The following PSME4 variants were observed in gnomAD, a reference collection of about 807,000 sequenced individuals.
PSME4 encodes proteasome activator complex subunit 4.
PSME4 carries 89 observed loss-of-function variants against 253.9 expected under a neutral mutation model. The observed-to-expected ratio is 0.35, with a 90% CI of 0.30 to 0.42. The LOEUF (loss-of-function observed/expected upper bound fraction) is 0.42, where lower values mean the gene tolerates loss of function less well. Ranked by LOEUF, PSME4 falls within the 10% of genes least tolerant of loss-of-function variation. The probability of loss-of-function intolerance (pLI) is 1.00; values close to 1 mark genes in which losing one functional copy is unlikely to be tolerated. For missense variants in PSME4, 2,014 were observed against 2,195.2 expected (o/e 0.92, Z 1.65); for synonymous variants, 851 against 759.2 (o/e 1.12, Z -1.99).
In PSME4 at chr2:53,931,858, C is replaced by G; in HGVS notation, c.1293G>C (p.Leu431Phe). 8 of 1,614,158 alleles carry G rather than the reference C, an allele frequency of 5.0e-6. No individual in the cohort carries two copies. Among genetic ancestry groups the G allele is most frequent in the Non-Finnish European group, 6.8e-6 (8 of 1,180,012 alleles). Reference sequence around the variant, plus strand: ...ACCTTTCAAGTACAGGGGGTATTACCAATTCAGGTCTCATGAGTGCAAGAT... The same window carrying G: ...ACCTTTCAAGTACAGGGGGTATTACGAATTCAGGTCTCATGAGTGCAAGAT... ...LQNLALMRPE[L>F]VIPPVLERTY... Residue 431 changes from leucine to phenylalanine, a missense_variant, in exon 10 of 47, where the codon TTG (leucine) becomes TTC (phenylalanine). This residue lies in a region of PSME4 where 615 missense variants were observed against 594.4 expected (regional missense o/e 1.03). Transcript: ENST00000404125.
At chr2:53,923,262 C>T (rs1346884016) in intron 15 of PSME4, 59 bp downstream of exon 15, 1 of 1,521,528 alleles carries the variant, frequency 6.6e-7, no homozygotes, top group African/African-American at 1.4e-5. Flanking sequence ...TAATAATTAA[C>T]CATATAAACT....
intron 4 of PSME4, among the ~76,000 whole-genome samples, chr2:53,938,643 A>C (rs1669237790): frequency 6.6e-6 from 1 of 152,084 alleles, no homozygotes; most frequent in African/African-American, 2.4e-5. Context: ...GCATATGAAA[A>C]ATTCTGATTC....
chr2:53,877,758 G>C (rs1679203264), intron 41 of PSME4, among the ~76,000 whole-genome samples: 1 of 152,178 alleles, frequency 6.6e-6, no homozygotes. Flanking sequence ...ATGGCTCAGA[G>C]GAGCTGACTT....
chr2:53,962,576 C>A (rs1450551942), intron 1 of PSME4, among the ~76,000 whole-genome samples: 1 of 152,110 alleles, frequency 6.6e-6, no homozygotes, highest in African/African-American at 2.4e-5. Flanking sequence ...TTTCTTAGTG[C>A]CTCAAAGTAA....
At chr2:53,934,781 T>C (rs1160935289) in intron 7 of PSME4, 54 bp from the exon 8 acceptor site, 9 of 1,405,504 alleles carry the variant, frequency 6.4e-6, no homozygotes, top group Non-Finnish European at 5.9e-6. Flanking sequence ...AATAATTCTT[T>C]AGCTTAGTAA....
At position 53,891,008 on chromosome 2, in the gene PSME4, C is replaced by T. The variant is rs1369229719; in HGVS notation, c.4192-800G>A. ...TCCCACTGCATTCCAGCCTAAGCAA[C>T]GGAGCAAGACTCCGTCTAAAAAAAC... On this transcript the variant is annotated intron_variant, in intron 36 of 46. Coordinates refer to ENST00000404125, the MANE Select transcript of PSME4 (RefSeq NM_014614.3). Among the ~76,000 whole-genome samples, 10 of 151,894 alleles carry T rather than the reference C, an allele frequency of 6.6e-5. No homozygotes were observed. The South Asian group carries it at 1.7e-3, about 25-fold the overall frequency.
chr2:53,966,950 G>A lies in PSME4; in HGVS notation c.242+3593C>T, dbSNP rs148412455. On this transcript the variant is annotated intron_variant, in intron 1 of 46. Transcript: ENST00000404125. ...CCTGACCTCGTGATCCGTCTGCCTCGGCCTCCCAAAGTGCTGGGATTACAG... is the reference window on the plus strand; with the variant it reads ...CCTGACCTCGTGATCCGTCTGCCTCAGCCTCCCAAAGTGCTGGGATTACAG... Among the ~76,000 whole-genome samples, 1,357 of 152,052 alleles carry A rather than the reference G, an allele frequency of 8.9e-3. 14 individuals are homozygous for A. Among genetic ancestry groups the A allele is most frequent in the African/African-American group, 0.031 (1,282 of 41,468 alleles).
chr2:53,883,579 G>T (rs1679496385), intron 41 of PSME4, among the ~76,000 whole-genome samples: 1 of 152,204 alleles, frequency 6.6e-6, no homozygotes, highest in African/African-American at 2.4e-5. Flanking sequence ...ATAAAGAAAG[G>T]TAATGTGGGT....
At position 53,922,425 on chromosome 2, in the gene PSME4, T is replaced by C. The variant is rs555706406; in HGVS notation, c.2046+92A>G. ...ATTTCCAAAACTCTGACTTTTCATA[T>C]GTTTTAAAGTCATTTTGTCAGAAAG... On this transcript the variant is annotated intron_variant, in intron 17 of 46. Coordinates refer to ENST00000404125, the MANE Select transcript of PSME4 (RefSeq NM_014614.3). The C allele has an allele frequency of 2.6e-4, 352 of 1,334,316 alleles. 1 individual carries two copies. Among genetic ancestry groups the C allele is most frequent in the Admixed American group, 3.3e-4 (16 of 48,074 alleles). 82.7% of individuals were successfully genotyped at this position (1,334,316 alleles called of 1,614,324 possible).
rs2104439969 is a variant in PSME4 at position 53,906,622 on chromosome 2, A to G, written c.2919T>C (p.Arg973=). The change falls in exon 26 of 47, where the codon CGT becomes CGC. Residue 973 remains arginine, a synonymous_variant. Coordinates refer to ENST00000404125, the MANE Select transcript of PSME4 (RefSeq NM_014614.3). ...CCTGACTGTATGAACTTGTAGATAA[A>G]CGAAGAAGATCTCTGATCATATCTT... is the stretch of plus-strand genomic sequence containing the variant. ...IHQDMIRDLL[R]LSTSSYSQVR... 1.3e-6 allele frequency: 2 copies of G among 1,598,346 alleles called. No individual in the cohort carries two copies. Among genetic ancestry groups the G allele is most frequent in the Non-Finnish European group, 8.5e-7 (1 of 1,173,172 alleles).
intron 28 of PSME4, 48 bp downstream of exon 28, chr2:53,901,302 A>G (rs1365765254): frequency 6.7e-7 from 1 of 1,495,586 alleles, no homozygotes; most frequent in Non-Finnish European, 9.3e-7. Context: ...GCATTTTAAC[A>G]AGACAGGATT....
At chr2:53,952,556 G>GA (rs1670048270) in intron 1 of PSME4, among the ~76,000 whole-genome samples, 1 of 152,026 alleles carries the variant, frequency 6.6e-6, no homozygotes, top group Non-Finnish European at 1.5e-5. Context: ...CAAACAAACA[G>GA]AAAGATTCCA....
At chr2:53,928,470 C>T (rs1668671906) in intron 10 of PSME4, among the ~76,000 whole-genome samples, 167 bp from the exon 11 acceptor site, 2 of 152,120 alleles carry the variant, frequency 1.3e-5, no homozygotes, top group South Asian at 2.1e-4. Flanking sequence ...ACAGTAGCCC[C>T]GTTATCTGTA....
At chr2:53,876,713 A>ACTTTTT (rs1553403916) in intron 41 of PSME4, among the ~76,000 whole-genome samples, 1 of 77,200 alleles carries the variant, frequency 1.3e-5, no homozygotes, top group East Asian at 8.2e-4. Context: ...AGCCACTGTC[A>ACTTTTT]TTCTTTTTTT....
At chr2:53,887,675 C>G (rs1204343927) in intron 39 of PSME4, among the ~76,000 whole-genome samples, 183 bp downstream of exon 39, 2 of 152,196 alleles carry the variant, frequency 1.3e-5, no homozygotes, top group South Asian at 2.1e-4. Context: ...TCTGAGCACA[C>G]TGCTGTCCTA....
chr2:53,888,930 G>T, intron 37 of PSME4, 118 bp from the exon 38 acceptor site: 1 of 793,452 alleles, frequency 1.3e-6, no homozygotes, highest in Non-Finnish European at 2.0e-6. Context: ...TGTTGCCCAG[G>T]CTGGAGTGAA....
chr2:53,949,852 AC>A (rs1449911114), intron 1 of PSME4, among the ~76,000 whole-genome samples: 1 of 152,172 alleles, frequency 6.6e-6, no homozygotes, highest in African/African-American at 2.4e-5. Context: ...ATTAAGATAA[AC>A]TTGATACTTA....
chr2:53,913,450 T>A (rs997763009), intron 20 of PSME4, among the ~76,000 whole-genome samples: 1 of 152,232 alleles, frequency 6.6e-6, no homozygotes, highest in South Asian at 2.1e-4. Context: ...GGGCGAATTG[T>A]CATGAAACAG....
chr2:53,908,642 A>G, intron 22 of PSME4, 77 bp from the exon 23 acceptor site: 2 of 1,496,256 alleles, frequency 1.3e-6, no homozygotes, highest in Non-Finnish European at 1.8e-6. Flanking sequence ...TTAGTCAAGA[A>G]TCTATTAAGA....
Sources: gnomAD v4.1 joint callset for allele counts (sites outside exome capture counted in the v4.1 genomes callset) on GRCh38, gnomAD v4.1.1 for gene constraint, gnomAD v4.1.1 regional missense constraint, MANE v1.5 for transcripts, NCBI Gene and HGNC (gene_info 2026-07-23, HGNC 2026-07-21) for gene names.